STXBP3: variants seen among roughly 807,000 people sequenced by gnomAD.
The protein encoded by STXBP3 is syntaxin-binding protein 3.
In STXBP3, 41 loss-of-function variants were observed where a neutral mutation model predicts 85.7. The observed-to-expected ratio is 0.48, with a 90% CI of 0.37 to 0.62. STXBP3 has a LOEUF of 0.62. STXBP3 is among the 20% of genes least tolerant of loss of function. The pLI, the probability that STXBP3 is intolerant of heterozygous loss-of-function variation, is 0.00. For synonymous variants in STXBP3, 229 were observed against 231.7 expected, an observed-to-expected ratio of 0.99 and a Z score of 0.10; for missense variants, 563 against 703.1, an observed-to-expected ratio of 0.80 and a Z score of 2.25.
chr1:108,808,857 T>C lies in STXBP3; in HGVS notation c.1759T>C (p.Ser587Pro). The stretch of plus-strand genomic sequence containing the variant: ...GCTGAATAAACCCAAGGATAAAGTC[T>C]CCTTAATTAAAGATGAATAGCATTT... Reference protein sequence around the residue: ...KMLNKPKDKVSLIKDE With the variant: ...KMLNKPKDKVPLIKDE The change falls in exon 19 of 19, where the codon TCC (serine) becomes CCC (proline). Residue 587 changes from serine to proline, a missense_variant. By Grantham distance (74) the Ser-to-Pro change is moderately conservative. Transcript: ENST00000370008. The C allele has an allele frequency of 6.2e-7, 1 of 1,610,298 alleles. No homozygotes were observed. Among genetic ancestry groups the C allele is most frequent in the Non-Finnish European group, 8.5e-7 (1 of 1,178,468 alleles).
chr1:108,785,801 A>G (rs970299463), intron 11 of STXBP3, among the ~76,000 whole-genome samples: 3 of 152,148 alleles, frequency 2.0e-5, no homozygotes, highest in African/African-American at 7.2e-5. Flanking sequence ...GGCAAGGACA[A>G]AATGCCACTA....
chr1:108,773,616 A>G (rs1316381850), intron 7 of STXBP3, among the ~76,000 whole-genome samples: 1 of 152,186 alleles, frequency 6.6e-6, no homozygotes, highest in African/African-American at 2.4e-5. Context: ...CTCATGGCAC[A>G]AGGCAGGAAC....
At chr1:108,795,484 G>C (rs1431807312) in intron 13 of STXBP3, among the ~76,000 whole-genome samples, 1 of 147,982 alleles carries the variant, frequency 6.8e-6, no homozygotes, top group Non-Finnish European at 1.5e-5. Context: ...GCAAGACCCT[G>C]TCTCTTTAAA....
intron 3 of STXBP3, among the ~76,000 whole-genome samples, chr1:108,755,466 A>G (rs565764967): frequency 3.9e-5 from 6 of 152,258 alleles, no homozygotes; most frequent in Admixed American, 2.6e-4. Flanking sequence ...AATAAAAAGT[A>G]AAAAACAGAC....
chr1:108,770,753 C>T (rs1339775500), intron 6 of STXBP3, among the ~76,000 whole-genome samples: 1 of 124,770 alleles, frequency 8.0e-6, no homozygotes, highest in Non-Finnish European at 1.8e-5. Context: ...GGGGAACTCT[C>T]AATACCATTT....
chr1:108,804,020 G>A (rs1174083181), intron 17 of STXBP3, among the ~76,000 whole-genome samples: 2 of 152,108 alleles, frequency 1.3e-5, no homozygotes, highest in African/African-American at 4.8e-5. Flanking sequence ...CCTCGGTTCT[G>A]TATATTCTCT....
At chr1:108,752,891 A>G (rs1312011358) in intron 2 of STXBP3, among the ~76,000 whole-genome samples, 172 bp from the exon 3 acceptor site, 1 of 152,228 alleles carries the variant, frequency 6.6e-6, no homozygotes, top group Non-Finnish European at 1.5e-5. Flanking sequence ...TACTATATGC[A>G]TGTATATTGA....
At chr1:108,801,908 A>C (rs1301372095) in intron 17 of STXBP3, among the ~76,000 whole-genome samples, 2 of 151,922 alleles carry the variant, frequency 1.3e-5, no homozygotes, top group African/African-American at 4.8e-5. Context: ...GGCTCAAGCG[A>C]TCTTCCTGCC....
In STXBP3 at chr1:108,760,028, C is replaced by A; in HGVS notation, c.381C>A (p.Ser127=). 6.3e-7 allele frequency: 1 copy of A among 1,575,544 alleles called. No homozygotes were observed. Among genetic ancestry groups the A allele is most frequent in the African/African-American group, 1.4e-5 (1 of 72,248 alleles). The stretch of plus-strand genomic sequence containing the variant: ...TTAACAAAATTAAGGCTTCTTGCTC[C>A]AAGTCAATAAGAAGATGTAAAGAAA... ...NLFNKIKASC[S]KSIRRCKEIN... The change falls in exon 6 of 19, where the codon TCC becomes TCA. Residue 127 remains serine, a synonymous_variant. Transcript: ENST00000370008.
At chr1:108,759,675 T>C (rs561816671) in intron 5 of STXBP3, among the ~76,000 whole-genome samples, 46 of 152,316 alleles carry the variant, frequency 3.0e-4, no homozygotes, top group Non-Finnish European at 5.6e-4. Context: ...GTGCTGCTGT[T>C]TGTTAAGTCA....
intron 8 of STXBP3, among the ~76,000 whole-genome samples, chr1:108,777,712 T>C (rs1283196864): frequency 6.6e-6 from 1 of 152,184 alleles, no homozygotes; most frequent in Non-Finnish European, 1.5e-5. Context: ...ATCCTTCAAA[T>C]ACTTGATACC....
chr1:108,759,770 G>C (rs1377352862), intron 5 of STXBP3, among the ~76,000 whole-genome samples: 1 of 152,150 alleles, frequency 6.6e-6, no homozygotes, highest in Non-Finnish European at 1.5e-5. Context: ...AGGTTGTGGT[G>C]GATGTGAATG....
chr1:108,789,816 A>T (rs565791128), intron 11 of STXBP3, among the ~76,000 whole-genome samples: 3 of 152,238 alleles, frequency 2.0e-5, no homozygotes, highest in African/African-American at 7.2e-5. Flanking sequence ...CTGTAATCCC[A>T]GCACTTTGAG....
At position 108,746,770 on chromosome 1, in the gene STXBP3, G is replaced by A. The variant is rs754806673; in HGVS notation, c.33G>A (p.Lys11=). Residue 11 remains lysine (K), a synonymous_variant, in exon 1 of 19, where the codon AAG becomes AAA. Transcript: ENST00000370008. MAPPVAERGL[K]SVVWQKIKAT... Reference sequence around the variant, plus strand: ...CGCCGGTGGCAGAGAGGGGGCTAAAGAGCGTCGTGTGGCAGAGTGAGTGCG... The same window carrying A: ...CGCCGGTGGCAGAGAGGGGGCTAAAAAGCGTCGTGTGGCAGAGTGAGTGCG... 4.5e-6 allele frequency: 7 copies of A among 1,550,602 alleles called. No homozygotes were observed. The African/African-American group carries it at 8.2e-5, about 18-fold the overall frequency.
chr1:108,796,318 CATG>C lies in STXBP3; in HGVS notation c.1198_1200del (p.Asp400del), dbSNP rs769850145. 5 of 1,604,224 alleles carry C rather than the reference CATG, an allele frequency of 3.1e-6. No individual in the cohort carries two copies. The highest frequency in any genetic ancestry group is 1.7e-5 in the Admixed American group (1 of 59,944). ...CCTTCCAGTTCTACTCAACAAAAAT[CATG>C]ATAATTGTGATAAAATAAGAGCAAT... On this transcript the variant is annotated inframe_deletion, in exon 14 of 19. Coordinates refer to ENST00000370008, the MANE Select transcript of STXBP3 (RefSeq NM_007269.4).
intron 7 of STXBP3, among the ~76,000 whole-genome samples, chr1:108,773,772 A>C (rs61797328): frequency 0.048 from 7,357 of 152,270 alleles, 221 homozygotes; most frequent in Admixed American, 0.071. Context: ...TACCAGGAGA[A>C]AACCCATGCA....
intron 6 of STXBP3, among the ~76,000 whole-genome samples, chr1:108,771,541 CAT>C (rs1488493859): frequency 3.5e-5 from 2 of 57,050 alleles, no homozygotes; most frequent in African/African-American, 1.7e-4. Flanking sequence ...CTATATATAT[CAT>C]ATATAAATAT....
At chr1:108,780,592 C>T (rs1474209232) in intron 9 of STXBP3, 2 of 139,968 alleles carry the variant, frequency 1.4e-5, no homozygotes, top group Non-Finnish European at 3.0e-5. Flanking sequence ...TAGTCTTGAA[C>T]TCCTGACCTC....
intron 11 of STXBP3, among the ~76,000 whole-genome samples, chr1:108,788,233 GA>G: frequency 6.6e-6 from 1 of 152,094 alleles, no homozygotes; most frequent in East Asian, 1.9e-4. Context: ...ACCATTTCTA[GA>G]ATAAACTCCA....
Sources: gnomAD v4.1 joint callset for allele counts (sites outside exome capture counted in the v4.1 genomes callset) on GRCh38, gnomAD v4.1.1 for gene constraint, MANE v1.5 for transcripts, NCBI Gene and HGNC (gene_info 2026-07-23, HGNC 2026-07-21) for gene names.